SCLT1: variants seen among roughly 807,000 people sequenced by gnomAD.
SCLT1 encodes sodium channel-associated protein 1.
A neutral mutation model predicts 112.8 loss-of-function variants in SCLT1; 78 were observed. That is an observed-to-expected ratio of 0.69 (90% CI 0.58 to 0.83). SCLT1 has a LOEUF of 0.83. Ranked by LOEUF, SCLT1 falls within the 40% of genes least tolerant of loss-of-function variation. The pLI is 0.00. For synonymous variants in SCLT1, 257 were observed against 254.7 expected (o/e 1.01, Z -0.09); for missense variants, 747 against 770.4 (o/e 0.97, Z 0.36).
intron 2 of SCLT1, among the ~76,000 whole-genome samples, chr4:129,054,164 C>T (rs551189904): frequency 4.7e-4 from 72 of 152,170 alleles, no homozygotes; most frequent in Non-Finnish European, 8.5e-4. Flanking sequence ...CGACTTTTCT[C>T]TCTGGCTGCC....
At chr4:128,896,992 C>G (rs370076873) in intron 18 of SCLT1, among the ~76,000 whole-genome samples, 1 of 152,076 alleles carries the variant, frequency 6.6e-6, no homozygotes, top group Non-Finnish European at 1.5e-5. Flanking sequence ...TAAAAAGAAA[C>G]GAACAAAGCC....
chr4:128,895,213 G>A (rs564323765), intron 18 of SCLT1, among the ~76,000 whole-genome samples: 55 of 152,184 alleles, frequency 3.6e-4, no homozygotes, highest in Non-Finnish European at 6.6e-4. Flanking sequence ...TAATATAGTG[G>A]GTTTCCCTCT....
At chr4:128,909,830 G>A (rs989379256) in intron 18 of SCLT1, among the ~76,000 whole-genome samples, 3 of 152,208 alleles carry the variant, frequency 2.0e-5, no homozygotes, top group East Asian at 1.9e-4. Flanking sequence ...GCTGGAGGCA[G>A]AGAGGCAGAC....
intron 5 of SCLT1, among the ~76,000 whole-genome samples, chr4:129,030,737 C>T (rs1476999831): frequency 1.3e-5 from 2 of 152,130 alleles, no homozygotes; most frequent in African/African-American, 4.8e-5. Flanking sequence ...TGAACACATA[C>T]ACCCTCCCAA....
chr4:128,935,866 A>T (rs571329520), intron 18 of SCLT1, among the ~76,000 whole-genome samples: 1 of 152,212 alleles, frequency 6.6e-6, no homozygotes, highest in East Asian at 1.9e-4. Flanking sequence ...TGTGTATGTT[A>T]ATGATTCACA....
chr4:129,084,643 A>G (rs569813175), intron 1 of SCLT1, among the ~76,000 whole-genome samples: 29 of 152,344 alleles, frequency 1.9e-4, no homozygotes, highest in Admixed American at 1.6e-3. Context: ...CACAGTAACC[A>G]AAACAGCATG....
intron 4 of SCLT1, among the ~76,000 whole-genome samples, chr4:129,043,187 T>C (rs1396550339): frequency 2.6e-5 from 4 of 152,182 alleles, no homozygotes; most frequent in Middle Eastern, 3.4e-3. Context: ...GCTGGGATTA[T>C]AGGCATAAGC....
chr4:129,016,955 G>T (rs953359925), intron 5 of SCLT1, among the ~76,000 whole-genome samples: 4 of 152,056 alleles, frequency 2.6e-5, no homozygotes, highest in Non-Finnish European at 5.9e-5. Flanking sequence ...AAACAATATT[G>T]ATTTATTTAT....
chr4:128,980,462 C>T (rs1741548391), intron 9 of SCLT1, among the ~76,000 whole-genome samples: 1 of 152,142 alleles, frequency 6.6e-6, no homozygotes, highest in Non-Finnish European at 1.5e-5. Flanking sequence ...ATTTACCTTT[C>T]CAGATTTAAT....
chr4:128,933,561 C>T (rs1397883033), intron 18 of SCLT1, among the ~76,000 whole-genome samples: 3 of 152,040 alleles, frequency 2.0e-5, no homozygotes, highest in African/African-American at 7.2e-5. Flanking sequence ...TTGTACTCTC[C>T]TGTCCCAAAT....
At chr4:128,916,034 A>G (rs1054420025) in intron 18 of SCLT1, among the ~76,000 whole-genome samples, 4 of 152,248 alleles carry the variant, frequency 2.6e-5, no homozygotes, top group African/African-American at 9.6e-5. Flanking sequence ...TGTCATATAA[A>G]TTAAACTGAG....
chr4:128,901,848 A>G (rs757898596), intron 18 of SCLT1, among the ~76,000 whole-genome samples: 2 of 152,140 alleles, frequency 1.3e-5, no homozygotes, highest in Non-Finnish European at 2.9e-5. Context: ...TTTTACATAT[A>G]TGTATAGATA....
chr4:128,897,984 A>G (rs1211182657), intron 18 of SCLT1, among the ~76,000 whole-genome samples: 1 of 152,224 alleles, frequency 6.6e-6, no homozygotes, highest in Non-Finnish European at 1.5e-5. Context: ...TATCTTAAAT[A>G]TATATGCACC....
intron 15 of SCLT1, among the ~76,000 whole-genome samples, chr4:128,947,226 T>C (rs1362324923): frequency 2.0e-5 from 3 of 152,154 alleles, no homozygotes; most frequent in East Asian, 3.9e-4. Flanking sequence ...CTTGTAAGTT[T>C]TACATTTCCC....
intron 1 of SCLT1, among the ~76,000 whole-genome samples, chr4:129,087,531 A>C (rs954328936): frequency 6.6e-6 from 1 of 151,852 alleles, no homozygotes; most frequent in African/African-American, 2.4e-5. Flanking sequence ...AGGATTGCCT[A>C]AAGCCAGGAG....
chr4:129,092,503 AC>A (rs1752935745), intron 1 of SCLT1, among the ~76,000 whole-genome samples: 1 of 152,226 alleles, frequency 6.6e-6, no homozygotes, highest in Non-Finnish European at 1.5e-5. Context: ...TGTATCAGAT[AC>A]TATTCTAAAT....
chr4:128,895,336 T>C (rs1733655754), intron 18 of SCLT1, among the ~76,000 whole-genome samples: 1 of 152,176 alleles, frequency 6.6e-6, no homozygotes, highest in Non-Finnish European at 1.5e-5. Flanking sequence ...TAGTCCAAAT[T>C]CCTGAGAATG....
intron 18 of SCLT1, among the ~76,000 whole-genome samples, chr4:128,929,338 T>C (rs1201845055): frequency 6.6e-6 from 1 of 152,206 alleles, no homozygotes; most frequent in African/African-American, 2.4e-5. Context: ...TTCACGTCCA[T>C]AGATTGAAAG....
intron 20 of SCLT1, among the ~76,000 whole-genome samples, chr4:128,885,237 T>C (rs1373485739): frequency 1.3e-5 from 2 of 152,140 alleles, no homozygotes; most frequent in African/African-American, 2.4e-5. Flanking sequence ...TAATAACATA[T>C]ACACATAGTA....
Sources: gnomAD v4.1 joint callset for allele counts (sites outside exome capture counted in the v4.1 genomes callset) on GRCh38, gnomAD v4.1.1 for gene constraint, MANE v1.5 for transcripts, NCBI Gene and HGNC (gene_info 2026-07-23, HGNC 2026-07-21) for gene names.